CFAP44: variants seen among roughly 807,000 people sequenced by gnomAD.
CFAP44 encodes the protein cilia and flagella associated protein 44, also known as cilia- and flagella-associated protein 44.
CFAP44 carries 134 observed loss-of-function variants against 216.2 expected under a neutral mutation model. That is an observed-to-expected ratio of 0.62 (90% CI 0.54 to 0.72). The LOEUF (loss-of-function observed/expected upper bound fraction) is 0.72, where lower values mean the gene tolerates loss of function less well. CFAP44 is among the 30% of genes least tolerant of loss of function. CFAP44 has a pLI of 0.00. For missense variants in CFAP44, 2,035 were observed against 2,182.1 expected, an observed-to-expected ratio of 0.93 and a Z score of 1.34; for synonymous variants, 700 against 727.6, an observed-to-expected ratio of 0.96 and a Z score of 0.61.
chr3:113,348,471 A>C (rs955250838), intron 22 of CFAP44, among the ~76,000 whole-genome samples: 40 of 152,340 alleles, frequency 2.6e-4, no homozygotes, highest in Non-Finnish European at 5.1e-4. Context: ...AGGCAAATAG[A>C]GTGAAATACC....
At chr3:113,339,877 G>A (rs1950315041) in intron 24 of CFAP44, among the ~76,000 whole-genome samples, 1 of 152,162 alleles carries the variant, frequency 6.6e-6, no homozygotes, top group African/African-American at 2.4e-5. Flanking sequence ...AACAGTTTAG[G>A]GGGCAAAAAG....
intron 28 of CFAP44, among the ~76,000 whole-genome samples, chr3:113,323,998 C>T (rs1014950883): frequency 6.7e-6 from 1 of 148,264 alleles, no homozygotes; most frequent in Non-Finnish European, 1.5e-5. Flanking sequence ...GAGCACAGAT[C>T]GCGCCACCGC....
chr3:113,367,835 C>A lies in CFAP44; in HGVS notation c.2445-1526G>T, dbSNP rs547731191. Among the ~76,000 whole-genome samples, 19 of 151,780 alleles carry A rather than the reference C, an allele frequency of 1.3e-4. No individual in the cohort carries two copies. In the South Asian group the frequency reaches 3.5e-3, roughly 28 times the overall value. On this transcript the variant is annotated intron_variant, in intron 18 of 34. Coordinates refer to ENST00000393845, the MANE Select transcript of CFAP44 (RefSeq NM_001164496.2). ...TAACCCATTGCAAAGAAGCTAAAAA[C>A]CTTGAAAAAAAGGTTAGATGAATGG...
chr3:113,436,604 T>C (rs1482951608), intron 1 of CFAP44, among the ~76,000 whole-genome samples: 1 of 152,242 alleles, frequency 6.6e-6, no homozygotes, highest in Non-Finnish European at 1.5e-5. Context: ...CTGAAGTGAC[T>C]ATGATTGATC....
At chr3:113,426,743 A>G (rs1364619501) in intron 3 of CFAP44, 1 of 200,544 alleles carries the variant, frequency 5.0e-6, no homozygotes, top group African/African-American at 2.4e-5. Context: ...CACAGCCTGC[A>G]ATACTCTAGC....
intron 24 of CFAP44, among the ~76,000 whole-genome samples, chr3:113,338,976 CA>C (rs1950306608): frequency 1.3e-5 from 2 of 152,076 alleles, no homozygotes; most frequent in Non-Finnish European, 2.9e-5. Flanking sequence ...TTACCCCTTG[CA>C]ACCTGAGATG....
At chr3:113,339,857 A>G (rs1219031113) in intron 24 of CFAP44, among the ~76,000 whole-genome samples, 1 of 152,226 alleles carries the variant, frequency 6.6e-6, no homozygotes, top group Non-Finnish European at 1.5e-5. Context: ...TAGAAAAGGA[A>G]AAAAAGAAAA....
At chr3:113,385,645 T>C (rs1201350888) in intron 15 of CFAP44, among the ~76,000 whole-genome samples, 2 of 152,078 alleles carry the variant, frequency 1.3e-5, no homozygotes, top group African/African-American at 2.4e-5. Flanking sequence ...TTTTGTTTGT[T>C]TGTTTGTTTG....
intron 28 of CFAP44, 76 bp downstream of exon 28, chr3:113,326,345 TATAGTGAAAAAAATAAGGTATCTA>T: frequency 8.9e-7 from 1 of 1,126,316 alleles, no homozygotes; most frequent in Middle Eastern, 2.7e-4. Context: ...TTGTCCATGT[TATAGTGAAAAAAATAAGGTATCTA>T]ATAGGTCCCT....
At position 113,330,162 on chromosome 3, in the gene CFAP44, C is replaced by T; in HGVS notation, c.4116+6G>A. The stretch of plus-strand genomic sequence containing the variant: ...AGCTTTAACTAGGAACAGGTTCACC[C>T]CTTACCCTGTTGACCAAATACTGTT... On this transcript the variant is annotated splice_donor_region_variant and intron_variant, in intron 26 of 34. Transcript: ENST00000393845. 6.6e-7 allele frequency: 1 copy of T among 1,525,528 alleles called. No individual in the cohort carries two copies. The highest frequency in any genetic ancestry group is 8.8e-7 in the Non-Finnish European group (1 of 1,140,020). 94.5% of individuals were successfully genotyped at this position (1,525,528 alleles called of 1,614,324 possible).
At chr3:113,410,123 T>A (rs946473907) in intron 6 of CFAP44, among the ~76,000 whole-genome samples, 15 of 152,204 alleles carry the variant, frequency 9.9e-5, no homozygotes, top group Non-Finnish European at 1.3e-4. Flanking sequence ...CATTCTTTTA[T>A]TCCTTTACTT....
intron 28 of CFAP44, among the ~76,000 whole-genome samples, chr3:113,314,535 A>C (rs1950069830): frequency 6.6e-6 from 1 of 152,188 alleles, no homozygotes; most frequent in South Asian, 2.1e-4. Context: ...GATAAAGAAA[A>C]TTCTCTAAAC....
rs1262560538 is a variant in CFAP44, at chr3:113,344,679, C to T, written c.3099G>A (p.Val1033=). The change falls in exon 23 of 35, where the codon GTG becomes GTA. Residue 1033 remains valine (V), a synonymous_variant. Coordinates refer to ENST00000393845, the MANE Select transcript of CFAP44 (RefSeq NM_001164496.2). ...TGTGGTCACTCAGTATGGCATGAAC[C>T]ACAATAGTATCACTTTCCAGTGGAT... ...FRDPLESDTI[V]VHAILSDHKI... is the part of the protein sequence containing the mutation. 3 of 1,525,022 alleles carry T rather than the reference C, an allele frequency of 2.0e-6. No individual in the cohort carries two copies. In the African/African-American group the frequency reaches 4.2e-5, roughly 21 times the overall value. The allele number at this position is 1,525,022 out of a possible 1,614,324, so 94.5% of individuals were successfully genotyped here. A position where few individuals can be genotyped will look rare whatever the true frequency, so the allele number is the denominator to read the frequency against.
intron 18 of CFAP44, among the ~76,000 whole-genome samples, chr3:113,369,384 A>C (rs1273423838): frequency 6.6e-6 from 1 of 152,244 alleles, no homozygotes; most frequent in Non-Finnish European, 1.5e-5. Flanking sequence ...ACAGTCTCTC[A>C]GACCACAGTG....
intron 34 of CFAP44, among the ~76,000 whole-genome samples, chr3:113,293,309 T>C (rs1949849036): frequency 6.6e-6 from 1 of 152,202 alleles, no homozygotes; most frequent in Non-Finnish European, 1.5e-5. Context: ...GCCTACATCA[T>C]TGTAAGAAGC....
At chr3:113,432,385 G>C (rs55710804) in intron 2 of CFAP44, among the ~76,000 whole-genome samples, 33,097 of 151,944 alleles carry the variant, frequency 0.22, 4,110 homozygotes, top group East Asian at 0.48. Flanking sequence ...TTTTAGTTTT[G>C]TTGAAGTACA....
rs148827847 is a variant in CFAP44 at position 113,410,395 on chromosome 3, A to G, written c.674-1073T>C. Among the ~76,000 whole-genome samples the G allele has an allele frequency of 8.5e-3, 1,294 of 152,036 alleles. 25 individuals are homozygous for G. The highest frequency in any genetic ancestry group is 0.03 in the African/African-American group (1,225 of 41,466). ...TTCCCACCTATGAGTGAGAACATGC[A>G]GTGTTTGGTTTTTTGTCCTTGCAAT... On this transcript the variant is annotated intron_variant, in intron 6 of 34. Coordinates refer to ENST00000393845, the MANE Select transcript of CFAP44 (RefSeq NM_001164496.2).
chr3:113,311,438 T>C (rs1353594668), intron 28 of CFAP44, among the ~76,000 whole-genome samples: 1 of 152,330 alleles, frequency 6.6e-6, no homozygotes, highest in Admixed American at 6.5e-5. Flanking sequence ...AATGGTTTTA[T>C]CAGGGGTTTC....
chr3:113,433,489 C>A lies in CFAP44; in HGVS notation c.100+76G>T. Reference sequence around the variant, plus strand: ...TTTATAACATCCTGCTCTTTCCATTCTACTATAAAAATTAATTATTTAAAT... The same window carrying A: ...TTTATAACATCCTGCTCTTTCCATTATACTATAAAAATTAATTATTTAAAT... On this transcript the variant is annotated intron_variant, in intron 2 of 34. Transcript: ENST00000393845. The A allele has an allele frequency of 2.7e-5, 11 of 413,326 alleles. No individual in the cohort carries two copies. In the East Asian group the frequency reaches 3.0e-4, roughly 11 times the overall value. 25.6% of individuals were successfully genotyped at this position (413,326 alleles called of 1,614,324 possible).
Sources: allele counts gnomAD v4.1 joint callset (sites outside exome capture counted in the v4.1 genomes callset), GRCh38; gene constraint gnomAD v4.1.1; transcripts MANE v1.5; gene names NCBI Gene and HGNC (gene_info 2026-07-23, HGNC 2026-07-21).